The following RABEP1 variants were observed in gnomAD, a reference collection of about 807,000 sequenced individuals.
RABEP1 encodes rabaptin, RAB GTPase binding effector protein 1.
A neutral mutation model predicts 123.4 loss-of-function variants in RABEP1; 51 were observed. That is an observed-to-expected ratio of 0.41 (90% CI 0.33 to 0.52). RABEP1 has a LOEUF of 0.52. Among genes scored for constraint, RABEP1 ranks in the 20% least tolerant of loss-of-function variants. The pLI is 0.16. For missense variants in RABEP1, 888 were observed against 996.3 expected, an observed-to-expected ratio of 0.89 and a Z score of 1.46; for synonymous variants, 347 against 355.2, an observed-to-expected ratio of 0.98 and a Z score of 0.26.
chr17:5,309,666 A>G (rs1597341429), intron 2 of RABEP1, among the ~76,000 whole-genome samples: 1 of 151,942 alleles, frequency 6.6e-6, no homozygotes. Flanking sequence ...AAAAAAAAAA[A>G]AAAAGAAAAA....
chr17:5,350,439 G>T lies in RABEP1; in HGVS notation c.785-12G>T, dbSNP rs1456888275. On this transcript the variant is annotated splice_polypyrimidine_tract_variant and intron_variant, in intron 6 of 17. Transcript: ENST00000537505. ...AGTGTTTTTGATTTGTGGTGGGGGG[G>T]TTCCTAAACAGTTTGCCATCTCTTG... is the stretch of plus-strand genomic sequence containing the variant. 2 of 1,601,420 alleles carry T rather than the reference G, an allele frequency of 1.2e-6. No homozygotes were observed. Among genetic ancestry groups the T allele is most frequent in the Non-Finnish European group, 1.7e-6 (2 of 1,175,632 alleles).
chr17:5,321,271 A>G (rs141176016), intron 2 of RABEP1, among the ~76,000 whole-genome samples: 2 of 152,296 alleles, frequency 1.3e-5, no homozygotes, highest in African/African-American at 4.8e-5. Flanking sequence ...CTGAGACCCC[A>G]TCTCTACTAA....
intron 5 of RABEP1, among the ~76,000 whole-genome samples, chr17:5,346,432 G>A (rs1597374154): frequency 2.0e-5 from 3 of 152,194 alleles, no homozygotes; most frequent in East Asian, 3.9e-4. Context: ...ATTAACTACC[G>A]ATTTAAAAAA....
At chr17:5,312,991 TC>T (rs1485245640) in intron 2 of RABEP1, among the ~76,000 whole-genome samples, 1 of 152,060 alleles carries the variant, frequency 6.6e-6, no homozygotes, top group African/African-American at 2.4e-5. Context: ...GTGCCTGTAG[TC>T]CCAGCTACTT....
chr17:5,339,042 A>C (rs1010007019), intron 5 of RABEP1, among the ~76,000 whole-genome samples: 2 of 152,038 alleles, frequency 1.3e-5, no homozygotes, highest in Non-Finnish European at 2.9e-5. Context: ...CTGTTGTCCC[A>C]CCTACTTGGG....
At chr17:5,351,166 G>T (rs999828746) in intron 7 of RABEP1, among the ~76,000 whole-genome samples, 5 of 152,136 alleles carry the variant, frequency 3.3e-5, no homozygotes, top group Non-Finnish European at 7.4e-5. Context: ...TCTACTAGGT[G>T]ACATGATATG....
chr17:5,346,901 A>C lies in RABEP1; in HGVS notation c.760A>C (p.Lys254Gln), dbSNP rs754699520. The C allele has an allele frequency of 1.2e-6, 2 of 1,605,188 alleles. No homozygotes were observed. The highest frequency in any genetic ancestry group is 1.7e-5 in the Admixed American group (1 of 59,584). Residue 254 changes from lysine (K) to glutamine (Q), a missense_variant, in exon 6 of 18, where the codon AAA becomes CAA. Lys to Gln is a moderately conservative substitution (Grantham distance 53, BLOSUM62 1). Coordinates refer to ENST00000537505, the MANE Select transcript of RABEP1 (RefSeq NM_004703.6). ...ATCTGTTCTACAGGAAGATGCTGAGAAACTGCGGAAAGAATTGCATGAAGG... is the reference window on the plus strand; with the variant it reads ...ATCTGTTCTACAGGAAGATGCTGAGCAACTGCGGAAAGAATTGCATGAAGG... Reference protein sequence around the residue: ...QKSVLQEDAEKLRKELHEVCH... With the variant: ...QKSVLQEDAEQLRKELHEVCH...
chr17:5,344,932 C>T lies in RABEP1; in HGVS notation c.649-1858C>T, dbSNP rs898046234. On this transcript the variant is annotated intron_variant, in intron 5 of 17. Coordinates refer to ENST00000537505, the MANE Select transcript of RABEP1 (RefSeq NM_004703.6). ...AAGCTGAGATCGCGGCACCACCCTC[C>T]AGCCTGGGCGACAGATCGAGACTCC... Among the ~76,000 whole-genome samples the T allele has an allele frequency of 2.6e-5, 4 of 151,802 alleles. No individual in the cohort carries two copies. In the East Asian group the frequency reaches 7.7e-4, roughly 29 times the overall value.
intron 17 of RABEP1, 99 bp downstream of exon 17, chr17:5,381,604 T>G (rs1346158444): frequency 1.3e-6 from 2 of 1,483,426 alleles, no homozygotes; most frequent in African/African-American, 2.8e-5. Context: ...GCTAGAGGTT[T>G]AGAGACTGGC....
intron 12 of RABEP1, among the ~76,000 whole-genome samples, chr17:5,372,370 G>A (rs180707561): frequency 1.3e-5 from 2 of 152,176 alleles, no homozygotes; most frequent in East Asian, 3.9e-4. Context: ...ACTTGAACCG[G>A]GACTCGGGAG....
In RABEP1 at chr17:5,368,046, T is replaced by C. The variant is rs1035430930; in HGVS notation, c.1786-324T>C. On this transcript the variant is annotated intron_variant, in intron 11 of 17. Transcript: ENST00000537505. ...TGCTGGGATTACAGGCATAAGCCAC[T>C]GCACCCAGCCTGATTTTTTTTTTAA... 2.0e-5 allele frequency among the ~76,000 whole-genome samples: 3 copies of C among 152,124 alleles called. No individual in the cohort carries two copies. In the East Asian group the frequency reaches 5.8e-4, roughly 29 times the overall value.
chr17:5,318,183 C>CA (rs2075317142), intron 2 of RABEP1, among the ~76,000 whole-genome samples: 1 of 152,096 alleles, frequency 6.6e-6, no homozygotes, highest in African/African-American at 2.4e-5. Context: ...CAGTGAGAAA[C>CA]ACAGGTAAAA....
intron 1 of RABEP1, among the ~76,000 whole-genome samples, chr17:5,308,311 C>T (rs1171654269): frequency 2.6e-5 from 4 of 151,666 alleles, no homozygotes; most frequent in Admixed American, 6.6e-5. Flanking sequence ...CTGCAACCTC[C>T]GCCTCCCGGG....
rs980565021 is a variant in RABEP1, at chr17:5,384,824, A to G, written c.*1601A>G. ...GCTACATGGTTTAGATAAAGGAAAC[A>G]TATAACTATTGAGTTACAGGGGATT... On this transcript the variant is annotated 3_prime_UTR_variant, in exon 18 of 18. Coordinates refer to ENST00000537505, the MANE Select transcript of RABEP1 (RefSeq NM_004703.6). 9.2e-6 allele frequency: 2 copies of G among 217,150 alleles called. No individual in the cohort carries two copies. The highest frequency in any genetic ancestry group is 1.2e-4 in the Admixed American group (2 of 17,260). 13.5% of individuals were successfully genotyped at this position (217,150 alleles called of 1,614,324 possible). A position where few individuals can be genotyped will look rare whatever the true frequency, so the allele number is the denominator to read the frequency against.
chr17:5,328,086 T>C (rs1200470010), intron 2 of RABEP1, among the ~76,000 whole-genome samples: 1 of 152,180 alleles, frequency 6.6e-6, no homozygotes, highest in Non-Finnish European at 1.5e-5. Context: ...AAGAAGTAAC[T>C]GCAAAAGAAC....
intron 8 of RABEP1, among the ~76,000 whole-genome samples, chr17:5,357,797 C>T (rs914803475): frequency 5.3e-5 from 8 of 152,164 alleles, no homozygotes; most frequent in African/African-American, 1.9e-4. Flanking sequence ...TGCATGGCCA[C>T]AGCAGGGAAG....
At chr17:5,371,688 C>T (rs937652791) in intron 12 of RABEP1, 7 of 152,254 alleles carry the variant, frequency 4.6e-5, no homozygotes, top group Non-Finnish European at 1.0e-4. Context: ...GCTCAGTCAT[C>T]GCCTCCTCTG....
intron 2 of RABEP1, among the ~76,000 whole-genome samples, chr17:5,318,806 T>G (rs2075323370): frequency 1.3e-5 from 2 of 152,218 alleles, no homozygotes; most frequent in African/African-American, 4.8e-5. Flanking sequence ...GCAAGATTCC[T>G]TGACAGTATC....
At chr17:5,294,702 C>T (rs1399815115) in intron 1 of RABEP1, among the ~76,000 whole-genome samples, 1 of 117,088 alleles carries the variant, frequency 8.5e-6, no homozygotes, top group South Asian at 3.3e-4. Context: ...GGCTGGAGTG[C>T]AGTGGCGCGA....
Sources: gnomAD v4.1 joint callset for allele counts (sites outside exome capture counted in the v4.1 genomes callset) on GRCh38, gnomAD v4.1.1 for gene constraint, MANE v1.5 for transcripts, NCBI Gene and HGNC (gene_info 2026-07-23, HGNC 2026-07-21) for gene names.